LAMC1: variants seen among roughly 807,000 people sequenced by gnomAD.
LAMC1 encodes laminin subunit gamma-1.
Under a neutral mutation model 173.6 loss-of-function variants are expected in LAMC1, and 38 were observed. The observed-to-expected ratio is 0.22, with a 90% CI of 0.17 to 0.29. LAMC1 has a LOEUF of 0.29. Ranked by LOEUF, LAMC1 falls within the 10% of genes least tolerant of loss-of-function variation. The pLI, the probability that LAMC1 is intolerant of heterozygous loss-of-function variation, is 1.00. For synonymous variants in LAMC1, 746 were observed against 749.1 expected (o/e 1.00, Z 0.07); for missense variants, 1,824 against 2,051.8 (o/e 0.89, Z 2.14).
intron 1 of LAMC1, among the ~76,000 whole-genome samples, chr1:183,089,709 T>C (rs1655518871): frequency 6.6e-6 from 1 of 152,240 alleles, no homozygotes; most frequent in Admixed American, 6.5e-5. Flanking sequence ...GACTTCTGAT[T>C]GAAAGTTATG....
chr1:183,026,420 A>G (rs1653688749), intron 1 of LAMC1, among the ~76,000 whole-genome samples: 1 of 151,958 alleles, frequency 6.6e-6, no homozygotes, highest in African/African-American at 2.4e-5. Context: ...CCCCCCTTTA[A>G]TGACAAGGTT....
chr1:183,102,743 A>AT (rs1053769235), intron 1 of LAMC1, among the ~76,000 whole-genome samples: 2 of 151,900 alleles, frequency 1.3e-5, no homozygotes, highest in African/African-American at 4.8e-5. Flanking sequence ...CACTGAAGGA[A>AT]TTTTTTTTCC....
chr1:183,089,743 A>G (rs551800198), intron 1 of LAMC1, among the ~76,000 whole-genome samples: 5 of 152,344 alleles, frequency 3.3e-5, no homozygotes, highest in Admixed American at 2.0e-4. Context: ...GCAGATTATC[A>G]AATGTTCTAA....
At chr1:183,092,955 T>G (rs964925142) in intron 1 of LAMC1, among the ~76,000 whole-genome samples, 1 of 152,138 alleles carries the variant, frequency 6.6e-6, no homozygotes, top group Non-Finnish European at 1.5e-5. Context: ...CCTTTCCCCC[T>G]TCAGCTACCA....
chr1:183,093,535 A>G (rs1259675651), intron 1 of LAMC1, among the ~76,000 whole-genome samples: 5 of 151,992 alleles, frequency 3.3e-5, no homozygotes, highest in African/African-American at 4.8e-5. Context: ...CCTCTTATCT[A>G]TCTATGTCCA....
In LAMC1 at chr1:183,053,974, A is replaced by G. The variant is rs552897830; in HGVS notation, c.418+29840A>G. Among the ~76,000 whole-genome samples the G allele has an allele frequency of 6.0e-4, 91 of 152,298 alleles. No homozygotes were observed. The South Asian group carries it at 8.1e-3, about 14-fold the overall frequency. On this transcript the variant is annotated intron_variant, in intron 1 of 27. Coordinates refer to ENST00000258341, the MANE Select transcript of LAMC1 (RefSeq NM_002293.4). Reference sequence around the variant, plus strand: ...AAAAGTGTTAAGATAGGTGAAATCTATAGTCTTTGCTCAAATGTTGCTTTT... The same window carrying G: ...AAAAGTGTTAAGATAGGTGAAATCTGTAGTCTTTGCTCAAATGTTGCTTTT...
chr1:183,140,677 TA>T, intron 27 of LAMC1, 174 bp downstream of exon 27: 1 of 401,612 alleles, frequency 2.5e-6, no homozygotes, highest in Non-Finnish European at 4.4e-6. Flanking sequence ...TTGAAAGCCT[TA>T]TAAAATAAAT....
intron 1 of LAMC1, among the ~76,000 whole-genome samples, chr1:183,067,408 C>A (rs1444192824): frequency 6.6e-6 from 1 of 152,036 alleles, no homozygotes. Flanking sequence ...TTTTGCATTT[C>A]TTTGTTGGCA....
chr1:183,117,743 A>G lies in LAMC1; in HGVS notation c.1877+20A>G. The G allele has an allele frequency of 2.5e-6, 4 of 1,594,032 alleles. No individual in the cohort carries two copies. Among genetic ancestry groups the G allele is most frequent in the Non-Finnish European group, 3.4e-6 (4 of 1,163,472 alleles). On this transcript the variant is annotated intron_variant, in intron 10 of 27. Coordinates refer to ENST00000258341, the MANE Select transcript of LAMC1 (RefSeq NM_002293.4). Reference sequence around the variant, plus strand: ...CTTCAGGTAAGATAGCCTTCTTTGTAAAGTGAGACTTGACGAACATTGTGA... The same window carrying G: ...CTTCAGGTAAGATAGCCTTCTTTGTGAAGTGAGACTTGACGAACATTGTGA...
intron 1 of LAMC1, among the ~76,000 whole-genome samples, chr1:183,079,457 T>G (rs1655211302): frequency 6.6e-6 from 1 of 151,814 alleles, no homozygotes; most frequent in South Asian, 2.1e-4. Flanking sequence ...GGTTTCACTA[T>G]GTTGGCTAGG....
intron 1 of LAMC1, among the ~76,000 whole-genome samples, chr1:183,047,962 C>G (rs1416403862): frequency 1.3e-5 from 2 of 152,034 alleles, no homozygotes; most frequent in Non-Finnish European, 2.9e-5. Context: ...AGAGTTAGTT[C>G]ACCAATTCGG....
At chr1:183,062,714 G>A (rs940801021) in intron 1 of LAMC1, among the ~76,000 whole-genome samples, 3 of 152,172 alleles carry the variant, frequency 2.0e-5, no homozygotes, top group African/African-American at 7.2e-5. Flanking sequence ...CACTTTGGGA[G>A]GCTGAGGTGG....
chr1:183,048,885 A>G (rs1654337345), intron 1 of LAMC1, among the ~76,000 whole-genome samples: 1 of 152,196 alleles, frequency 6.6e-6, no homozygotes, highest in African/African-American at 2.4e-5. Context: ...AGCCCTCTCG[A>G]AAATACCAGG....
chr1:183,137,608 G>A, intron 25 of LAMC1, 61 bp from the exon 26 acceptor site: 1 of 1,061,282 alleles, frequency 9.4e-7, no homozygotes, highest in Non-Finnish European at 1.3e-6. Context: ...AAAGGAGCGG[G>A]AGCATACTTG....
At chr1:183,068,681 C>T (rs556834930) in intron 1 of LAMC1, among the ~76,000 whole-genome samples, 1 of 152,194 alleles carries the variant, frequency 6.6e-6, no homozygotes, top group South Asian at 2.1e-4. Context: ...GTAGCTCATG[C>T]CTGTAATCCC....
intron 6 of LAMC1, among the ~76,000 whole-genome samples, chr1:183,116,187 A>G (rs1571450654): frequency 6.6e-6 from 1 of 152,044 alleles, no homozygotes; most frequent in East Asian, 1.9e-4. Context: ...TCTTTTAAAA[A>G]AGTCTGTTGG....
At chr1:183,104,483 A>G (rs904482385) in intron 2 of LAMC1, among the ~76,000 whole-genome samples, 4 of 152,234 alleles carry the variant, frequency 2.6e-5, no homozygotes, top group African/African-American at 4.8e-5. Context: ...GCTGAAGTCA[A>G]CAACCACATG....
intron 1 of LAMC1, among the ~76,000 whole-genome samples, chr1:183,040,661 C>T (rs1654106510): frequency 6.6e-6 from 1 of 152,198 alleles, no homozygotes; most frequent in Non-Finnish European, 1.5e-5. Context: ...AGCAGCTCAT[C>T]TTGACTGAAG....
rs1172874636 is a variant in LAMC1, at chr1:183,140,422, G to A, written c.4492G>A (p.Glu1498Lys). The A allele has an allele frequency of 2.5e-6, 4 of 1,612,846 alleles. No individual in the cohort carries two copies. Among genetic ancestry groups the A allele is most frequent in the Non-Finnish European group, 3.4e-6 (4 of 1,179,502 alleles). ...MAGMASQAAQ[E>K]AEINARKAKN... is the part of the protein sequence containing the mutation. Reference sequence around the variant, plus strand: ...CTTACAGGCTTCACAGGCTGCTCAAGAAGCCGAGATCAATGCCAGAAAAGC... The same window carrying A: ...CTTACAGGCTTCACAGGCTGCTCAAAAAGCCGAGATCAATGCCAGAAAAGC... Residue 1498 changes from glutamate to lysine, a missense_variant, in exon 27 of 28, where the codon GAA becomes AAA. Glu to Lys is a moderately conservative substitution (Grantham distance 56, BLOSUM62 1). Coordinates refer to ENST00000258341, the MANE Select transcript of LAMC1 (RefSeq NM_002293.4).
Sources: gnomAD v4.1 joint callset for allele counts (sites outside exome capture counted in the v4.1 genomes callset) on GRCh38, gnomAD v4.1.1 for gene constraint, MANE v1.5 for transcripts, NCBI Gene and HGNC (gene_info 2026-07-23, HGNC 2026-07-21) for gene names.